PVT1: variants seen among roughly 807,000 people sequenced by gnomAD.
The protein encoded by PVT1 is Pvt1 oncogene.
intron 2 of PVT1, among the ~76,000 whole-genome samples, chr8:127,817,525 T>TTAACCCTTAGGGAAATATATATA (rs1814678218): frequency 3.0e-5 from 1 of 33,074 alleles, no homozygotes; most frequent in Non-Finnish European, 5.1e-5. Flanking sequence ...ATATATCTAT[T>TTAACCCTTAGGGAAATATATATA]TAAATATATA....
At chr8:127,818,740 G>A (rs1394645196) in intron 2 of PVT1, among the ~76,000 whole-genome samples, 3 of 152,086 alleles carry the variant, frequency 2.0e-5, no homozygotes, top group African/African-American at 2.4e-5. Context: ...GAGCCTCCAC[G>A]TCCTCATCTA....
At chr8:128,004,953 T>C (rs528068615) in intron 4 of PVT1, among the ~76,000 whole-genome samples, 11 of 152,110 alleles carry the variant, frequency 7.2e-5, no homozygotes, top group African/African-American at 2.7e-4. Flanking sequence ...CCAACCTGAC[T>C]AACATGGAGA....
chr8:128,002,769 C>G (rs1280538962), intron 4 of PVT1, among the ~76,000 whole-genome samples: 1 of 152,214 alleles, frequency 6.6e-6, no homozygotes, highest in Non-Finnish European at 1.5e-5. Context: ...CCAAATAAGG[C>G]ACATTCACAG....
At chr8:127,950,921 G>A (rs1214257094) in intron 3 of PVT1, among the ~76,000 whole-genome samples, 1 of 152,150 alleles carries the variant, frequency 6.6e-6, no homozygotes, top group East Asian at 1.9e-4. Flanking sequence ...TTTTCCAAAT[G>A]GAGTCCTGCT....
intron 6 of PVT1, among the ~76,000 whole-genome samples, chr8:128,098,416 G>A (rs1258944189): frequency 2.0e-5 from 3 of 152,028 alleles, no homozygotes; most frequent in Admixed American, 6.5e-5. Flanking sequence ...CAAGGGGAAC[G>A]GAGAGCTTTT....
At chr8:127,877,489 C>A (rs1401036152) in intron 2 of PVT1, among the ~76,000 whole-genome samples, 3 of 152,074 alleles carry the variant, frequency 2.0e-5, no homozygotes, top group Non-Finnish European at 2.9e-5. Context: ...CTCTCTCTTC[C>A]CAACTTAGAT....
At chr8:127,957,341 G>C (rs1280037389) in intron 3 of PVT1, among the ~76,000 whole-genome samples, 1 of 152,048 alleles carries the variant, frequency 6.6e-6, no homozygotes, top group African/African-American at 2.4e-5. Flanking sequence ...GACCGAGGTG[G>C]GCAGATCACG....
chr8:127,957,875 C>G (rs1032335670), intron 3 of PVT1, among the ~76,000 whole-genome samples: 1 of 152,220 alleles, frequency 6.6e-6, no homozygotes, highest in Non-Finnish European at 1.5e-5. Context: ...GCTTCCCTGC[C>G]GTGCCTCGTT....
At chr8:127,943,531 T>TC (rs1816378600) in intron 3 of PVT1, among the ~76,000 whole-genome samples, 1 of 152,200 alleles carries the variant, frequency 6.6e-6, no homozygotes, top group Admixed American at 6.5e-5. Context: ...GTGGGGGCTG[T>TC]CCTATGTATT....
At chr8:127,937,266 CTTTTCTTTTCT>C (rs1563644423) in intron 3 of PVT1, among the ~76,000 whole-genome samples, 2 of 119,756 alleles carry the variant, frequency 1.7e-5, no homozygotes. Flanking sequence ...TTTCTTTTTT[CTTTTCTTTTCT>C]TTTTTTTTTA....
Position 127,927,947 on chromosome 8 carries a change from C to T in PVT1, n.782+36949C>T, listed in dbSNP as rs148941166. Among the ~76,000 whole-genome samples the T allele has an allele frequency of 7.9e-5, 12 of 152,344 alleles. No individual in the cohort carries two copies. In the East Asian group the frequency reaches 1.9e-3, roughly 24 times the overall value. On this transcript the variant is annotated intron_variant and non_coding_transcript_variant, in intron 3 of 10. Coordinates refer to ENST00000651587, the Ensembl canonical transcript of PVT1. ...AAATACTTTACAAAAATTCTCAGTG[C>T]GGTTGGTGGGTGAGAAGGGCTGTCG...
intron 2 of PVT1, among the ~76,000 whole-genome samples, chr8:127,807,130 C>T (rs924076016): frequency 1.3e-5 from 2 of 152,118 alleles, no homozygotes; most frequent in Non-Finnish European, 2.9e-5. Flanking sequence ...TGTGCAGCCC[C>T]GTTCCTAGGT....
At chr8:127,941,706 C>T (rs1052833453) in intron 3 of PVT1, among the ~76,000 whole-genome samples, 2 of 152,118 alleles carry the variant, frequency 1.3e-5, no homozygotes, top group African/African-American at 2.4e-5. Context: ...ATGTGAACAC[C>T]GTGATCATCA....
intron 5 of PVT1, among the ~76,000 whole-genome samples, chr8:128,094,263 G>T (rs2130172679): frequency 6.6e-6 from 1 of 152,208 alleles, no homozygotes. Context: ...CATAGAAAAT[G>T]TTACATTTTT....
At chr8:128,062,414 G>T (rs1032541713) in intron 4 of PVT1, among the ~76,000 whole-genome samples, 4 of 152,084 alleles carry the variant, frequency 2.6e-5, no homozygotes, top group African/African-American at 9.7e-5. Context: ...GTTCAGAGGA[G>T]CAGGCAACAA....
rs188567651 is a variant in PVT1, at chr8:127,929,540, G to A, written n.782+38542G>A. Among the ~76,000 whole-genome samples, 225 of 152,308 alleles carry A rather than the reference G, an allele frequency of 1.5e-3. 1 individual carries two copies. The highest frequency in any genetic ancestry group is 5.1e-3 in the African/African-American group (213 of 41,560). On this transcript the variant is annotated intron_variant and non_coding_transcript_variant, in intron 3 of 10. Transcript: ENST00000651587. The stretch of plus-strand genomic sequence containing the variant: ...AAAACACTTTGGGAGGCCGAGGCAG[G>A]CGGATCACGAGGTCAGGAGATCGAG...
At chr8:127,959,871 C>T (rs887221687) in intron 3 of PVT1, among the ~76,000 whole-genome samples, 2 of 152,090 alleles carry the variant, frequency 1.3e-5, no homozygotes, top group South Asian at 2.1e-4. Context: ...ACAGGTGAGG[C>T]GCCTGCAGAA....
chr8:128,080,913 C>A (rs1315282928), intron 5 of PVT1, among the ~76,000 whole-genome samples: 7 of 151,992 alleles, frequency 4.6e-5, no homozygotes, highest in African/African-American at 1.4e-4. Context: ...TATTTAGATT[C>A]TTTTTTTGCA....
rs116111558 is a variant in PVT1, at chr8:127,870,520, T to C, written n.373-20069T>C. On this transcript the variant is annotated intron_variant and non_coding_transcript_variant, in intron 2 of 10. Transcript: ENST00000651587. ...TAGCCAACACAGAACCAAATACCCT[T>C]TGGGGATTGAGGGAAGTGGAGCGGG... 6.0e-3 allele frequency among the ~76,000 whole-genome samples: 918 copies of C among 152,210 alleles called. 8 individuals carry two copies. Among genetic ancestry groups the C allele is most frequent in the African/African-American group, 0.021 (870 of 41,540 alleles).
Sources: allele counts gnomAD v4.1 joint callset (sites outside exome capture counted in the v4.1 genomes callset), GRCh38; gene constraint gnomAD v4.1.1; transcripts MANE v1.5; gene names NCBI Gene and HGNC (gene_info 2026-07-23, HGNC 2026-07-21).